Variants in BTD observed in about 807,000 individuals in gnomAD.
BTD encodes biocytinase.
Under a neutral mutation model 17.7 loss-of-function variants are expected in BTD, and 13 were observed. The ratio of observed to expected loss-of-function variants is 0.74; its 90% CI spans 0.48 to 1.17. BTD has a LOEUF of 1.17. BTD is among the 50% of genes most tolerant of loss of function. The pLI, the probability that BTD is intolerant of heterozygous loss-of-function variation, is 0.00. For synonymous variants in BTD, 240 were observed against 245.2 expected (o/e 0.98, Z 0.20); for missense variants, 674 against 650.4 (o/e 1.04, Z -0.39).
chr3:15,701,936 C>T (rs945872324), intron 3 of BTD, among the ~76,000 whole-genome samples: 1 of 151,942 alleles, frequency 6.6e-6, no homozygotes, highest in African/African-American at 2.4e-5. Context: ...TACCCAAGGG[C>T]ATTTAAAAAA....
At chr3:15,613,862 A>G (rs993965598) in intron 1 of BTD, among the ~76,000 whole-genome samples, 1 of 151,856 alleles carries the variant, frequency 6.6e-6, no homozygotes, top group Admixed American at 6.6e-5. Flanking sequence ...TCTTACTTCT[A>G]TTGTTACTCT....
chr3:15,629,961 T>C (rs2065163940), intron 1 of BTD: 1 of 768,880 alleles, frequency 1.3e-6, no homozygotes, highest in African/African-American at 1.9e-5. Flanking sequence ...ATATTGCATG[T>C]AAAATGCAAT....
chr3:15,646,002 GC>G lies in BTD; in HGVS notation c.*516del, dbSNP rs1323717906. 5 of 152,936 alleles carry G rather than the reference GC, an allele frequency of 3.3e-5. No homozygotes were observed. Among genetic ancestry groups the G allele is most frequent in the African/African-American group, 1.2e-4 (5 of 41,428 alleles). The allele number at this position is 152,936 out of a possible 1,614,324, so 9.5% of individuals were successfully genotyped here. A position where few individuals can be genotyped will look rare whatever the true frequency, so the allele number is the denominator to read the frequency against. On this transcript the variant is annotated 3_prime_UTR_variant, in exon 4 of 4. Transcript: ENST00000643237. The stretch of plus-strand genomic sequence containing the variant: ...CCCATTCTGGTCGACCAGAACTCTA[GC>G]CAGATGAAATGGCAATGCTAGCGCC...
At chr3:15,609,081 A>G (rs756236608) in intron 1 of BTD, among the ~76,000 whole-genome samples, 2 of 152,254 alleles carry the variant, frequency 1.3e-5, no homozygotes, top group Non-Finnish European at 2.9e-5. Flanking sequence ...CATCTTCATG[A>G]TGAACTTAAG....
Position 15,601,948 on chromosome 3 carries a change from C to A in BTD, c.-17+54C>A, listed in dbSNP as rs2064267360. The A allele has an allele frequency of 3.1e-6, 5 of 1,599,370 alleles. No homozygotes were observed. The South Asian group carries it at 3.3e-5, about 11-fold the overall frequency. ...GGGGGTGTGGTAAGGGCGTGCGGTC[C>A]AGACCCCGCCCCGGGCGCCCAGTTG... On this transcript the variant is annotated intron_variant, in intron 1 of 3. Transcript: ENST00000643237.
intron 3 of BTD, chr3:15,679,570 A>G (rs1384272529): frequency 3.1e-6 from 5 of 1,603,538 alleles, no homozygotes; most frequent in Non-Finnish European, 4.3e-6. Context: ...TGACCTAAAT[A>G]GGTGTAAAGA....
At chr3:15,625,788 C>T (rs1331636402) in intron 1 of BTD, among the ~76,000 whole-genome samples, 4 of 152,170 alleles carry the variant, frequency 2.6e-5, no homozygotes, top group African/African-American at 9.7e-5. Context: ...ATCTCTTGAC[C>T]TCGTGATCTG....
In BTD at chr3:15,641,667, G is replaced by A. The variant is rs559734693; in HGVS notation, c.250-241G>A. Among the ~76,000 whole-genome samples, 6 of 152,202 alleles carry A rather than the reference G, an allele frequency of 3.9e-5. No homozygotes were observed. The East Asian group carries it at 1.2e-3, about 29-fold the overall frequency. ...CCCTCCTTCCCTCACATGACCCCAG[G>A]CACAGTTAATGGTTGTTCCTAGAGG... On this transcript the variant is annotated intron_variant, in intron 2 of 3. Coordinates refer to ENST00000643237, the MANE Select transcript of BTD (RefSeq NM_001370658.1).
chr3:15,664,781 A>G (rs936025331), intron 3 of BTD, among the ~76,000 whole-genome samples: 5 of 152,240 alleles, frequency 3.3e-5, no homozygotes, highest in African/African-American at 1.2e-4. Context: ...AGAAAGAAAT[A>G]TAAGATTAAA....
intron 3 of BTD, among the ~76,000 whole-genome samples, chr3:15,671,434 A>C (rs749080444): frequency 5.3e-5 from 8 of 152,180 alleles, no homozygotes; most frequent in Admixed American, 2.0e-4. Flanking sequence ...ACAGATTAAG[A>C]AAGAGAACAT....
chr3:15,614,125 C>G (rs2455819), intron 1 of BTD, among the ~76,000 whole-genome samples: 2 of 125,340 alleles, frequency 1.6e-5, no homozygotes, highest in African/African-American at 3.3e-5. Context: ...TTCTTTCTTT[C>G]TTTTTTTTTT....
chr3:15,677,938 A>C (rs564837303), intron 3 of BTD, among the ~76,000 whole-genome samples: 1 of 152,294 alleles, frequency 6.6e-6, no homozygotes, highest in South Asian at 2.1e-4. Flanking sequence ...CATTTAGCTG[A>C]AAGATCTAGG....
rs2065734948 is a variant in BTD at position 15,648,050 on chromosome 3, C to T, written c.*2562C>T. Among the ~76,000 whole-genome samples the T allele has an allele frequency of 6.6e-6, 1 of 152,124 alleles. No individual in the cohort carries two copies. The highest frequency in any genetic ancestry group is 1.5e-5 in the Non-Finnish European group (1 of 68,020). On this transcript the variant is annotated 3_prime_UTR_variant, in exon 4 of 4. Transcript: ENST00000643237. Reference sequence around the variant, plus strand: ...CCCTGCTTGGTACCTGTGCCCCCACCCCCCAGCCATGGTATATTGAACCAG... The same window carrying T: ...CCCTGCTTGGTACCTGTGCCCCCACTCCCCAGCCATGGTATATTGAACCAG...
At chr3:15,679,626 A>C in intron 3 of BTD, 1 of 1,293,710 alleles carries the variant, frequency 7.7e-7, no homozygotes, top group Non-Finnish European at 1.1e-6. Context: ...AATCACAGGT[A>C]CATGTAAGTG....
chr3:15,721,347 A>T (rs1482667915), intron 4 of BTD, among the ~76,000 whole-genome samples: 1 of 152,218 alleles, frequency 6.6e-6, no homozygotes, highest in Non-Finnish European at 1.5e-5. Context: ...CAGGGAATAT[A>T]ATTCACATAC....
intron 1 of BTD, among the ~76,000 whole-genome samples, chr3:15,633,975 T>C (rs1460001387): frequency 6.6e-6 from 1 of 152,220 alleles, no homozygotes; most frequent in Non-Finnish European, 1.5e-5. Context: ...GTTTACAGTG[T>C]CCCAGATGAA....
rs546192083 is a variant in BTD, at chr3:15,673,728, CAG to C, written c.399+31674_399+31675del. ...AATTTAGTCATGGGATGTTTGGGGACAGAGTGTTCAGGCAGAGTAAACAGCCA... is the reference window on the plus strand; with the variant it reads ...AATTTAGTCATGGGATGTTTGGGGACAGTGTTCAGGCAGAGTAAACAGCCA... On this transcript the variant is annotated intron_variant, in intron 3 of 3. Coordinates refer to the BTD transcript ENST00000672141. 3.2e-4 allele frequency among the ~76,000 whole-genome samples: 48 copies of C among 152,074 alleles called. 1 individual carries two copies. The highest frequency in any genetic ancestry group is 8.4e-4 in the African/African-American group (35 of 41,472).
At chr3:15,707,514 A>G (rs2071617699) in intron 3 of BTD, among the ~76,000 whole-genome samples, 2 of 152,172 alleles carry the variant, frequency 1.3e-5, no homozygotes, top group South Asian at 2.1e-4. Flanking sequence ...TGAACTGTCT[A>G]CCTCTGAAGG....
intron 1 of BTD, among the ~76,000 whole-genome samples, chr3:15,633,457 T>C (rs1277875516): frequency 6.6e-6 from 1 of 152,214 alleles, no homozygotes; most frequent in Non-Finnish European, 1.5e-5. Flanking sequence ...TTTTGTAAAA[T>C]AAATTTTATC....
Sources: allele counts gnomAD v4.1 joint callset (sites outside exome capture counted in the v4.1 genomes callset), GRCh38; gene constraint gnomAD v4.1.1; transcripts MANE v1.5; gene names NCBI Gene and HGNC (gene_info 2026-07-23, HGNC 2026-07-21).